Variants in LTF observed in about 807,000 individuals in gnomAD.
LTF encodes lactotransferrin.
In LTF, 91 loss-of-function variants were observed where a neutral mutation model predicts 87.2. That is an observed-to-expected ratio of 1.04 (90% CI 0.88 to 1.24). LTF has a LOEUF of 1.24. Ranked by LOEUF, LTF falls within the 50% of genes most tolerant of loss-of-function variation. The pLI is 0.00. For missense variants in LTF, 901 were observed against 904.3 expected (o/e 1.00, Z 0.05); for synonymous variants, 378 against 356.1 (o/e 1.06, Z -0.69).
chr3:46,464,785 G>C, intron 1 of LTF, 40 bp downstream of exon 1: 1 of 1,609,734 alleles, frequency 6.2e-7, no homozygotes, highest in South Asian at 1.1e-5. Flanking sequence ...CGCAGGAGAC[G>C]CCCATCAGGC....
intron 13 of LTF, among the ~76,000 whole-genome samples, chr3:46,442,314 A>G (rs1356316342): frequency 6.6e-6 from 1 of 152,162 alleles, no homozygotes; most frequent in African/African-American, 2.4e-5. Flanking sequence ...AAGAACCAGC[A>G]TTATAAGGAT....
intron 1 of LTF, among the ~76,000 whole-genome samples, chr3:46,462,177 G>A (rs954050610): frequency 1.3e-5 from 2 of 152,212 alleles, no homozygotes; most frequent in Non-Finnish European, 2.9e-5. Context: ...CTGGATGCCT[G>A]CTGTACAAAC....
intron 2 of LTF, among the ~76,000 whole-genome samples, chr3:46,456,647 C>A (rs561393782): frequency 1.2e-4 from 19 of 152,338 alleles, no homozygotes; most frequent in Non-Finnish European, 2.5e-4. Context: ...CTGTGTCACT[C>A]TCCCGATCAC....
At chr3:46,479,876 T>C (rs1173576444) in intron 1 of LTF, among the ~76,000 whole-genome samples, 1 of 152,214 alleles carries the variant, frequency 6.6e-6, no homozygotes, top group African/African-American at 2.4e-5. Context: ...GTGAGATGGC[T>C]GGATTCTTGA....
At chr3:46,446,117 TGTGA>T (rs1300875714) in intron 11 of LTF, among the ~76,000 whole-genome samples, 2 of 151,980 alleles carry the variant, frequency 1.3e-5, no homozygotes, top group Admixed American at 6.6e-5. Flanking sequence ...TACCTATGGC[TGTGA>T]GTGAGATCCT....
chr3:46,472,031 C>T (rs1703296261), intron 1 of LTF, among the ~76,000 whole-genome samples: 1 of 152,070 alleles, frequency 6.6e-6, no homozygotes, highest in Non-Finnish European at 1.5e-5. Context: ...CAGGGCCTCC[C>T]TGTGTCGCTC....
chr3:46,459,742 A>G lies in LTF; in HGVS notation c.121T>C (p.Trp41Arg), dbSNP rs1412781054. The change falls in exon 2 of 17, where the codon TGG (tryptophan) becomes CGG (arginine). Residue 41 changes from tryptophan to arginine, a missense_variant. By Grantham distance (101) the Trp-to-Arg change is moderately radical. Transcript: ENST00000231751. The part of the protein sequence containing the change: ...SQPEATKCFQ[W>R]QRNMRKVRGP... ...CGCACTTTTCTCATATTCCTTTGCC[A>G]TTGGAAGCATTTTGTGGCCTCGGGT... The G allele has an allele frequency of 2.5e-6, 4 of 1,582,706 alleles. No individual in the cohort carries two copies. Among genetic ancestry groups the G allele is most frequent in the Admixed American group, 1.8e-5 (1 of 54,992 alleles).
intron 1 of LTF, among the ~76,000 whole-genome samples, chr3:46,464,503 C>G (rs1703163536): frequency 6.6e-6 from 1 of 152,218 alleles, no homozygotes; most frequent in Non-Finnish European, 1.5e-5. Context: ...ACTTTCCTCC[C>G]AGGTAAAACG....
upstream of LTF, among the ~76,000 whole-genome samples, chr3:46,466,663 T>C (rs1703219693): frequency 6.6e-6 from 1 of 152,214 alleles, no homozygotes; most frequent in Non-Finnish European, 1.5e-5. Flanking sequence ...AGCTGGGTTT[T>C]GGGGTGACAG....
chr3:46,475,409 A>C (rs772277519), intron 1 of LTF, among the ~76,000 whole-genome samples: 3 of 152,144 alleles, frequency 2.0e-5, no homozygotes, highest in African/African-American at 4.8e-5. Flanking sequence ...AATACATTCC[A>C]TGAGGCCCGT....
In LTF at chr3:46,450,612, C is replaced by T; in HGVS notation, c.765G>A (p.Arg255=). The change falls in exon 7 of 17, where the codon CGG becomes CGA. Residue 255 remains arginine (R), a synonymous_variant. Coordinates refer to ENST00000231751, the MANE Select transcript of LTF (RefSeq NM_002343.6). ...EYELLCPDNT[R]KPVDKFKDCH... Reference sequence around the variant, plus strand: ...AGTCTTTGAACTTGTCCACTGGCTTCCGAGTGTTGTCTGGGCAGAGTAACT... The same window carrying T: ...AGTCTTTGAACTTGTCCACTGGCTTTCGAGTGTTGTCTGGGCAGAGTAACT... The T allele has an allele frequency of 6.2e-7, 1 of 1,614,190 alleles. No homozygotes were observed. Among genetic ancestry groups the T allele is most frequent in the Non-Finnish European group, 8.5e-7 (1 of 1,180,018 alleles).
intron 13 of LTF, chr3:46,441,781 A>G (rs1702519239): frequency 3.5e-6 from 1 of 287,222 alleles, no homozygotes; most frequent in Admixed American, 5.3e-5. Context: ...GGTCAACAGG[A>G]CCCCCAGGAC....
In LTF at chr3:46,450,659, C is replaced by A; in HGVS notation, c.718G>T (p.Glu240Ter). ...AACTCATACTCGTCCCTTTCAGCCT[C>A]GTCTGACAGGTCCTCTGCAGGGAAG... ...ESTVFEDLSD[E>*]AERDEYELLC... Residue 240 changes from glutamate to a stop codon, truncating the protein, a stop_gained, in exon 7 of 17, where the codon GAG becomes TAG. Coordinates refer to ENST00000231751, the MANE Select transcript of LTF (RefSeq NM_002343.6). LOFTEE classifies it high-confidence loss of function. 1 of 1,611,218 alleles carries A rather than the reference C, an allele frequency of 6.2e-7. No homozygotes were observed. The highest frequency in any genetic ancestry group is 1.1e-5 in the South Asian group (1 of 91,058).
chr3:46,449,861 C>T lies in LTF; in HGVS notation c.1050G>A (p.Leu350=), dbSNP rs377433274. Residue 350 remains leucine (L), a synonymous_variant, in exon 8 of 17, where the codon TTG becomes TTA. Coordinates refer to ENST00000231751, the MANE Select transcript of LTF (RefSeq NM_002343.6). Reference sequence around the variant, plus strand: ...CCTCCTGGGCTCACTCACTTTTCCTCAAGTTCTGGATGGCAGTGAAGTAGC... The same window carrying T: ...CCTCCTGGGCTCACTCACTTTTCCTTAAGTTCTGGATGGCAGTGAAGTAGC... The part of the protein sequence containing the change: ...GSGYFTAIQN[L]RKSEEEVAAR... 4 of 1,614,064 alleles carry T rather than the reference C, an allele frequency of 2.5e-6. No homozygotes were observed. The highest frequency in any genetic ancestry group is 2.5e-6 in the Non-Finnish European group (3 of 1,179,970).
Position 46,450,614 on chromosome 3 carries a change from G to C in LTF, c.763C>G (p.Arg255Gly). Residue 255 changes from arginine to glycine, a missense_variant, in exon 7 of 17, where the codon CGG becomes GGG. Arg to Gly is a moderately radical substitution (Grantham distance 125). Coordinates refer to ENST00000231751, the MANE Select transcript of LTF (RefSeq NM_002343.6). ...TCTTTGAACTTGTCCACTGGCTTCC[G>C]AGTGTTGTCTGGGCAGAGTAACTCA... The part of the protein sequence containing the change: ...EYELLCPDNT[R>G]KPVDKFKDCH... 1 of 1,614,188 alleles carries C rather than the reference G, an allele frequency of 6.2e-7. No homozygotes were observed. The highest frequency in any genetic ancestry group is 8.5e-7 in the Non-Finnish European group (1 of 1,180,028).
upstream of LTF, chr3:46,469,560 G>A (rs566250722): frequency 2.0e-5 from 3 of 152,398 alleles, 1 homozygote; most frequent in East Asian, 5.8e-4. Flanking sequence ...TTAGGGCCTT[G>A]GTGTCTTAGT....
At chr3:46,467,887 G>A (rs540020771), upstream of LTF, among the ~76,000 whole-genome samples, 2 of 152,148 alleles carry the variant, frequency 1.3e-5, no homozygotes, top group South Asian at 4.1e-4. Context: ...CACATCATGT[G>A]TTCATCTGCC....
chr3:46,484,382 C>G (rs556337976), intron 1 of LTF, among the ~76,000 whole-genome samples: 1 of 152,168 alleles, frequency 6.6e-6, no homozygotes, highest in Non-Finnish European at 1.5e-5. Context: ...CAGCCATCTC[C>G]GTGAGGTAGG....
rs755929107 is a variant in LTF at position 46,449,881 on chromosome 3, A to G, written c.1030T>C (p.Phe344Leu). 3.2e-5 allele frequency: 52 copies of G among 1,614,042 alleles called. No individual in the cohort carries two copies. Among genetic ancestry groups the G allele is most frequent in the Non-Finnish European group, 4.1e-5 (48 of 1,180,030 alleles). ...DSGLYLGSGY[F>L]TAIQNLRKSE... Reference sequence around the variant, plus strand: ...TTCCTCAAGTTCTGGATGGCAGTGAAGTAGCCGGAGCCAAGGTACAGCCCA... The same window carrying G: ...TTCCTCAAGTTCTGGATGGCAGTGAGGTAGCCGGAGCCAAGGTACAGCCCA... Residue 344 changes from phenylalanine (F) to leucine (L), a missense_variant, in exon 8 of 17, where the codon TTC becomes CTC. Transcript: ENST00000231751.
Sources: allele counts gnomAD v4.1 joint callset (sites outside exome capture counted in the v4.1 genomes callset), GRCh38; gene constraint gnomAD v4.1.1; transcripts MANE v1.5; gene names NCBI Gene and HGNC (gene_info 2026-07-23, HGNC 2026-07-21).